The following PPM1L variants were observed in gnomAD, a reference collection of about 807,000 sequenced individuals.
The protein encoded by PPM1L is protein phosphatase, Mg2+/Mn2+ dependent 1L.
In PPM1L, 13 loss-of-function variants were observed where a neutral mutation model predicts 31.4. The ratio of observed to expected loss-of-function variants is 0.41; its 90% CI spans 0.27 to 0.66. The LOEUF is 0.66. Among genes scored for constraint, PPM1L ranks in the 30% least tolerant of loss-of-function variants. The pLI, the probability that PPM1L is intolerant of heterozygous loss-of-function variation, is 0.29. For missense variants in PPM1L, 326 were observed against 453.7 expected, an observed-to-expected ratio of 0.72 and a Z score of 2.56; for synonymous variants, 184 against 175.4, an observed-to-expected ratio of 1.05 and a Z score of -0.39.
intron 2 of PPM1L, among the ~76,000 whole-genome samples, chr3:161,062,827 G>A (rs1208927218): frequency 6.6e-6 from 1 of 152,112 alleles, no homozygotes; most frequent in African/African-American, 2.4e-5. Flanking sequence ...TCTCATGGAG[G>A]CCCTAAAGCC....
intron 1 of PPM1L, among the ~76,000 whole-genome samples, chr3:160,961,471 G>A (rs1715961579): frequency 6.6e-6 from 1 of 152,112 alleles, no homozygotes; most frequent in Non-Finnish European, 1.5e-5. Flanking sequence ...GAAACTCTGA[G>A]CACTAAATCT....
At chr3:160,848,909 C>T (rs115973201) in intron 1 of PPM1L, among the ~76,000 whole-genome samples, 2,344 of 152,262 alleles carry the variant, frequency 0.015, 40 homozygotes, top group Non-Finnish European at 0.021. Flanking sequence ...TTACTTTCCC[C>T]TTCAAATTAA....
At chr3:160,963,585 T>A (rs1228211282) in intron 2 of PPM1L, among the ~76,000 whole-genome samples, 1 of 152,050 alleles carries the variant, frequency 6.6e-6, no homozygotes, top group Non-Finnish European at 1.5e-5. Flanking sequence ...GCTGAAATTT[T>A]CCATGAAATT....
chr3:160,887,412 A>G (rs1233715041), intron 1 of PPM1L, among the ~76,000 whole-genome samples: 1 of 152,002 alleles, frequency 6.6e-6, no homozygotes, highest in Non-Finnish European at 1.5e-5. Context: ...GAAAAGATCA[A>G]CCTCAAGACA....
intron 1 of PPM1L, among the ~76,000 whole-genome samples, chr3:160,825,573 G>A (rs1713331315): frequency 6.6e-6 from 1 of 152,162 alleles, no homozygotes; most frequent in Non-Finnish European, 1.5e-5. Context: ...GGTTACAGAT[G>A]TTAAGTAACT....
intron 1 of PPM1L, among the ~76,000 whole-genome samples, chr3:160,954,453 C>T (rs1576739732): frequency 6.6e-6 from 1 of 152,094 alleles, no homozygotes; most frequent in East Asian, 1.9e-4. Flanking sequence ...CCTCCACCTC[C>T]CGGGGCTCAA....
intron 1 of PPM1L, among the ~76,000 whole-genome samples, chr3:160,948,845 T>G (rs76811760): frequency 0.013 from 1,969 of 152,256 alleles, 47 homozygotes; most frequent in African/African-American, 0.045. Context: ...TGGAGGGTCT[T>G]GTACAACCCT....
rs149174578 is a variant in PPM1L, at chr3:160,820,240, T to C, written c.399+63533T>C. 5.8e-4 allele frequency among the ~76,000 whole-genome samples: 89 copies of C among 152,242 alleles called. No homozygotes were observed. The East Asian group carries it at 0.013, about 22-fold the overall frequency. ...CATGGAGTTATTATTCATCAACTCT[T>C]TATGTTTAGATAAAGTACATGATGA... On this transcript the variant is annotated intron_variant, in intron 1 of 3. Coordinates refer to ENST00000498165, the MANE Select transcript of PPM1L (RefSeq NM_139245.4).
intron 2 of PPM1L, among the ~76,000 whole-genome samples, chr3:160,981,727 TCTC>T (rs1716804226): frequency 6.8e-6 from 1 of 147,330 alleles, no homozygotes; most frequent in Non-Finnish European, 1.5e-5. Context: ...CACCTTTCCT[TCTC>T]ATTTTATTTA....
intron 1 of PPM1L, among the ~76,000 whole-genome samples, chr3:160,826,019 C>T (rs76654707): frequency 0.092 from 13,906 of 151,462 alleles, 979 homozygotes; most frequent in African/African-American, 0.2. Context: ...AGCTGATCCA[C>T]ATGGATCTGA....
Position 161,005,876 on chromosome 3 carries a change from A to C in PPM1L, c.574+43966A>C, listed in dbSNP as rs1365202660. On this transcript the variant is annotated intron_variant, in intron 2 of 3. Coordinates refer to ENST00000498165, the MANE Select transcript of PPM1L (RefSeq NM_139245.4). Reference sequence around the variant, plus strand: ...AAAAAGGTTAAACCATAAAATTATTAGAAGAAATCAGGAAGAAATCCCAGG... The same window carrying C: ...AAAAAGGTTAAACCATAAAATTATTCGAAGAAATCAGGAAGAAATCCCAGG... 3.3e-5 allele frequency among the ~76,000 whole-genome samples: 5 copies of C among 152,240 alleles called. No individual in the cohort carries two copies. The East Asian group carries it at 9.6e-4, about 29-fold the overall frequency.
intron 1 of PPM1L, among the ~76,000 whole-genome samples, chr3:160,927,551 T>C (rs1714637365): frequency 6.6e-6 from 1 of 152,214 alleles, no homozygotes; most frequent in Non-Finnish European, 1.5e-5. Context: ...TTACATATTA[T>C]GTGATTTTTA....
chr3:161,006,352 A>T (rs1431287511), intron 2 of PPM1L, among the ~76,000 whole-genome samples: 1 of 152,132 alleles, frequency 6.6e-6, no homozygotes, highest in Non-Finnish European at 1.5e-5. Context: ...AGGCTGAGGG[A>T]AGGGGGAATA....
intron 2 of PPM1L, among the ~76,000 whole-genome samples, chr3:161,028,014 G>A (rs1329230876): frequency 6.6e-6 from 1 of 152,112 alleles, no homozygotes; most frequent in African/African-American, 2.4e-5. Flanking sequence ...GTCCTTGTTC[G>A]GCCTCATGGC....
chr3:161,067,878 A>G (rs371636679), intron 3 of PPM1L, among the ~76,000 whole-genome samples: 9 of 152,166 alleles, frequency 5.9e-5, no homozygotes, highest in Non-Finnish European at 1.2e-4. Flanking sequence ...TCCCTTCTCC[A>G]TCTGCCTACA....
At chr3:160,834,922 T>G (rs1713649466) in intron 1 of PPM1L, among the ~76,000 whole-genome samples, 2 of 152,020 alleles carry the variant, frequency 1.3e-5, no homozygotes, top group Admixed American at 1.3e-4. Flanking sequence ...CGACATAGGT[T>G]TTTTTTCCTC....
At chr3:161,045,207 G>A (rs1236729460) in intron 2 of PPM1L, among the ~76,000 whole-genome samples, 1 of 152,168 alleles carries the variant, frequency 6.6e-6, no homozygotes. Flanking sequence ...ACATTAGACA[G>A]ATCAACGAGA....
Position 160,814,703 on chromosome 3 carries a change from G to GTT in PPM1L, c.399+57997_399+57998insTT, listed in dbSNP as rs1447635898. 3.8e-5 allele frequency among the ~76,000 whole-genome samples: 3 copies of GTT among 78,438 alleles called. No homozygotes were observed. The African/African-American group carries it at 4.6e-4, about 12-fold the overall frequency. The allele number at this position is 78,438 out of a possible 152,430, so 51.5% of individuals were successfully genotyped here. Reference sequence around the variant, plus strand: ...TATGGTATATACCATACGTATATGTGTATATATATGTGTATGTATACGTGT... The same window carrying GTT: ...TATGGTATATACCATACGTATATGTGTTTATATATATGTGTATGTATACGTGT... On this transcript the variant is annotated intron_variant, in intron 1 of 3. Transcript: ENST00000498165.
At chr3:160,933,462 G>A (rs1164287083) in intron 1 of PPM1L, among the ~76,000 whole-genome samples, 1 of 152,144 alleles carries the variant, frequency 6.6e-6, no homozygotes, top group Non-Finnish European at 1.5e-5. Flanking sequence ...AAAATGGAAG[G>A]ACAAGAGCTC....
Sources: gnomAD v4.1 joint callset for allele counts (sites outside exome capture counted in the v4.1 genomes callset) on GRCh38, gnomAD v4.1.1 for gene constraint, MANE v1.5 for transcripts, NCBI Gene and HGNC (gene_info 2026-07-23, HGNC 2026-07-21) for gene names.